The following TENM1 variants were observed in gnomAD, a reference collection of about 807,000 sequenced individuals.
TENM1 encodes the protein teneurin transmembrane protein 1.
In TENM1, 35 loss-of-function variants were observed where a neutral mutation model predicts 174.8. That is an observed-to-expected ratio of 0.20 (90% CI 0.15 to 0.27). The LOEUF is 0.27. Ranked by LOEUF, TENM1 falls within the 10% of genes least tolerant of loss-of-function variation. The pLI is 1.00. For synonymous variants in TENM1, 781 were observed against 798.7 expected (o/e 0.98, Z 0.37); for missense variants, 1,633 against 2,130.1 (o/e 0.77, Z 4.59).
At chrX:124,482,259 T>G (rs1234985863) in intron 21 of TENM1, among the ~76,000 whole-genome samples, 1 of 110,658 alleles carries the variant, frequency 9.0e-6, no homozygotes, top group Non-Finnish European at 1.9e-5. Context: ...TCTCTTATTC[T>G]CCATACTCAG....
intron 11 of TENM1, among the ~76,000 whole-genome samples, chrX:124,583,036 C>T (rs746920735): frequency 1.8e-5 from 2 of 112,414 alleles, no homozygotes; most frequent in African/African-American, 6.4e-5. Flanking sequence ...CTGGGAAGCT[C>T]GAACTGGGTG....
intron 1 of TENM1, among the ~76,000 whole-genome samples, chrX:124,921,069 T>C (rs2058013642): frequency 9.3e-6 from 1 of 107,283 alleles, no homozygotes; most frequent in Admixed American, 1.0e-4. Context: ...GACCAAATAA[T>C]GCTATCAACT....
chrX:124,884,753 T>C (rs1165139449), intron 3 of TENM1, among the ~76,000 whole-genome samples: 1 of 112,272 alleles, frequency 8.9e-6, no homozygotes, highest in Non-Finnish European at 1.9e-5. Context: ...CAGATGCCTC[T>C]AGTCAGCTAG....
the TENM1 span, among the ~76,000 whole-genome samples, chrX:125,116,835 C>T: frequency 9.1e-6 from 1 of 110,493 alleles, no homozygotes; most frequent in Non-Finnish European, 1.9e-5. Flanking sequence ...CATGGTGAAA[C>T]CCCGTCTCTA....
intron 11 of TENM1, among the ~76,000 whole-genome samples, chrX:124,592,249 G>A (rs755621684): frequency 2.7e-5 from 3 of 110,997 alleles, no homozygotes; most frequent in East Asian, 5.7e-4. Context: ...TTCTGTTTTG[G>A]TTAGGAACCA....
chrX:125,102,445 T>C, the TENM1 span, among the ~76,000 whole-genome samples: 2 of 111,210 alleles, frequency 1.8e-5, no homozygotes. Flanking sequence ...TAGAGCTGCA[T>C]AAGAACAATT....
chrX:124,441,335 A>T (rs6649228), intron 23 of TENM1, among the ~76,000 whole-genome samples: 26,286 of 111,771 alleles, frequency 0.24, 2,777 homozygotes, highest in East Asian at 0.78. Context: ...TAATTGTTCC[A>T]GGCTTATAAA....
At chrX:124,884,429 C>T (rs186298762) in intron 3 of TENM1, among the ~76,000 whole-genome samples, 307 of 110,832 alleles carry the variant, frequency 2.8e-3, no homozygotes, top group Middle Eastern at 4.6e-3. Context: ...TGGAGCAATG[C>T]CGTCACATAA....
chrX:124,575,653 T>C (rs1310624597), intron 11 of TENM1, among the ~76,000 whole-genome samples: 2 of 112,430 alleles, frequency 1.8e-5, no homozygotes, highest in African/African-American at 6.5e-5. Context: ...AACTGTTCTT[T>C]GGTAGGTCTG....
rs149105170 is a variant in TENM1, at chrX:124,449,060, C to T, written c.4104+4277G>A. Among the ~76,000 whole-genome samples, 98 of 111,908 alleles carry T rather than the reference C, an allele frequency of 8.8e-4. 1 individual carries two copies. Among genetic ancestry groups the T allele is most frequent in the African/African-American group, 3.0e-3 (93 of 30,828 alleles). ...TTTACTCTTTAGTGTGTCTCAGGCACAGAACAGGAAATGGTGGATAGCAGC... is the reference window on the plus strand; with the variant it reads ...TTTACTCTTTAGTGTGTCTCAGGCATAGAACAGGAAATGGTGGATAGCAGC... On this transcript the variant is annotated intron_variant, in intron 23 of 31. Coordinates refer to ENST00000422452, the Ensembl canonical transcript of TENM1.
the TENM1 span, among the ~76,000 whole-genome samples, chrX:125,128,675 A>G: frequency 5.1e-4 from 57 of 111,770 alleles, no homozygotes; most frequent in African/African-American, 1.7e-3. Context: ...ACAAGACGGA[A>G]AGAGCCTAGG....
intron 14 of TENM1, among the ~76,000 whole-genome samples, chrX:124,553,392 C>A (rs754177967): frequency 1.4e-4 from 15 of 107,652 alleles, no homozygotes; most frequent in Non-Finnish European, 2.7e-4. Flanking sequence ...CCCAGCTACT[C>A]GGGAGACTGA....
intron 15 of TENM1, among the ~76,000 whole-genome samples, chrX:124,545,642 G>A (rs1314875839): frequency 3.6e-5 from 4 of 111,612 alleles, no homozygotes; most frequent in Non-Finnish European, 7.5e-5. Context: ...TGTTCCTCTG[G>A]TGTATAATAA....
intron 6 of TENM1, among the ~76,000 whole-genome samples, chrX:124,656,292 G>C (rs775198506): frequency 1.8e-5 from 2 of 112,257 alleles, no homozygotes; most frequent in Non-Finnish European, 3.8e-5. Context: ...ACATAATGAA[G>C]CTACTTAAAT....
intron 11 of TENM1, among the ~76,000 whole-genome samples, chrX:124,588,110 A>T (rs1357723913): frequency 9.0e-6 from 1 of 111,701 alleles, no homozygotes; most frequent in African/African-American, 3.3e-5. Context: ...AACTAGTTCA[A>T]CCATTGTGGA....
chrX:124,535,071 T>C (rs1278078565), intron 15 of TENM1, among the ~76,000 whole-genome samples: 1 of 112,012 alleles, frequency 8.9e-6, no homozygotes, highest in African/African-American at 3.2e-5. Context: ...CAGTCCTGTA[T>C]GATAATCTCT....
chrX:124,655,968 G>C (rs2051431723), intron 6 of TENM1, among the ~76,000 whole-genome samples: 1 of 112,116 alleles, frequency 8.9e-6, no homozygotes, highest in African/African-American at 3.2e-5. Flanking sequence ...ACAATTAACA[G>C]ACCATGTTTA....
chrX:124,599,986 A>G (rs1343471599), intron 11 of TENM1, among the ~76,000 whole-genome samples: 2 of 110,641 alleles, frequency 1.8e-5, no homozygotes, highest in Non-Finnish European at 1.9e-5. Flanking sequence ...ATAAATAGAT[A>G]AAAAGGTGAA....
In TENM1 at chrX:124,591,269, C is replaced by T. The variant is rs761039229; in HGVS notation, c.2078-25709G>A. On this transcript the variant is annotated intron_variant, in intron 11 of 31. Transcript: ENST00000422452. Reference sequence around the variant, plus strand: ...TGACATGTGAGGTTTTGATCCTATCCTGAAGTTGTTAACTGGTTGCTTTGT... The same window carrying T: ...TGACATGTGAGGTTTTGATCCTATCTTGAAGTTGTTAACTGGTTGCTTTGT... Among the ~76,000 whole-genome samples the T allele has an allele frequency of 1.1e-4, 12 of 111,420 alleles. No homozygotes were observed. The South Asian group carries it at 1.9e-3, about 18-fold the overall frequency.
Sources: gnomAD v4.1 joint callset for allele counts (sites outside exome capture counted in the v4.1 genomes callset) on GRCh38, gnomAD v4.1.1 for gene constraint, MANE v1.5 for transcripts, NCBI Gene and HGNC (gene_info 2026-07-23, HGNC 2026-07-21) for gene names.